The following C4orf50 variants were observed in gnomAD, a reference collection of about 807,000 sequenced individuals.
C4orf50 encodes the protein uncharacterized protein C4orf50.
Under a neutral mutation model 77.2 loss-of-function variants are expected in C4orf50, and 80 were observed. The observed-to-expected ratio is 1.04, with a 90% CI of 0.87 to 1.25. The LOEUF is 1.25. Among genes scored for constraint, C4orf50 ranks in the 50% most tolerant of loss-of-function variants. C4orf50 has a pLI of 0.00. For missense variants in C4orf50, 1,257 were observed against 1,152.9 expected (o/e 1.09, Z -1.31); for synonymous variants, 532 against 465.3 (o/e 1.14, Z -1.84).
chr4:5,934,438 G>A (rs1232872870), intron 7 of C4orf50, among the ~76,000 whole-genome samples: 1 of 152,162 alleles, frequency 6.6e-6, no homozygotes, highest in Non-Finnish European at 1.5e-5. Flanking sequence ...TGTGTGGCTT[G>A]TCATCCCTGC....
exon 28 of C4orf50, chr4:5,990,324 G>C: frequency 1.1e-6 from 1 of 925,570 alleles, no homozygotes; most frequent in Non-Finnish European, 1.4e-6. Context: ...TGTCACCAAG[G>C]TTTTTCCCCT....
intron 7 of C4orf50, among the ~76,000 whole-genome samples, chr4:5,941,194 C>A (rs1275203004): frequency 6.6e-6 from 1 of 152,158 alleles, no homozygotes; most frequent in African/African-American, 2.4e-5. Flanking sequence ...TGGGTGCTTC[C>A]TTTGTGCCAG....
chr4:5,935,244 C>T (rs1036205069), intron 7 of C4orf50, among the ~76,000 whole-genome samples: 2 of 152,262 alleles, frequency 1.3e-5, no homozygotes, highest in African/African-American at 4.8e-5. Flanking sequence ...GGATGCAGTT[C>T]GACATGGACG....
rs1560564432 is a variant in C4orf50, at chr4:5,958,851, A to T, written c.*524T>A. On this transcript the variant is annotated 3_prime_UTR_variant, in exon 34 of 34. Transcript: ENST00000531445. The surrounding 1 kb of genome is among the most constrained non-coding windows in gnomAD (Gnocchi z 5.4). The stretch of plus-strand genomic sequence containing the variant: ...CGGGGGCAGAGAAAAAACAAAACAA[A>T]ACAATTCTCCATGGCTGATCTTGTT... 6.6e-6 allele frequency: 1 copy of T among 152,456 alleles called. No homozygotes were observed. Among genetic ancestry groups the T allele is most frequent in the Non-Finnish European group, 1.5e-5 (1 of 68,298 alleles). The allele number at this position is 152,456 out of a possible 1,614,324, so 9.4% of individuals were successfully genotyped here.
At chr4:5,997,100 G>T (rs1017104990) in intron 25 of C4orf50, among the ~76,000 whole-genome samples, 4 of 152,216 alleles carry the variant, frequency 2.6e-5, no homozygotes, top group African/African-American at 9.6e-5. Flanking sequence ...AGTGAAAGCA[G>T]GAAGAGAGAG....
At chr4:5,923,226 A>C (rs1717359620) in intron 7 of C4orf50, 1 of 154,316 alleles carries the variant, frequency 6.5e-6, no homozygotes, top group African/African-American at 2.4e-5. Context: ...GGAGGTTACA[A>C]ATGTGGCCGA....
At chr4:6,013,505 A>G (rs961652344) in intron 23 of C4orf50, among the ~76,000 whole-genome samples, 3 of 152,212 alleles carry the variant, frequency 2.0e-5, no homozygotes, top group African/African-American at 7.2e-5. Context: ...TTTGGCCCCA[A>G]GTTCATCCAG....
Position 5,900,133 on chromosome 4 carries a change from G to C in C4orf50, c.*2475-1945C>G, listed in dbSNP as rs1376194121. Reference sequence around the variant, plus strand: ...GTTTCAGACCTAGAATTTCACCCTGGAACCAAAGGGGAACTGTGAATCTCT... The same window carrying C: ...GTTTCAGACCTAGAATTTCACCCTGCAACCAAAGGGGAACTGTGAATCTCT... On this transcript the variant is annotated intron_variant, in intron 7 of 7. Transcript: ENST00000324058. The surrounding 1 kb of genome is among the most constrained non-coding windows in gnomAD (Gnocchi z 4.3). 1 of 152,120 alleles carries C rather than the reference G, an allele frequency of 6.6e-6. No homozygotes were observed. The highest frequency in any genetic ancestry group is 1.5e-5 in the Non-Finnish European group (1 of 68,028). The allele number at this position is 152,120 out of a possible 1,614,324, so 9.4% of individuals were successfully genotyped here.
At position 6,002,694 on chromosome 4, in the gene C4orf50, G is replaced by A. The variant is rs371925547; in HGVS notation, c.963+5302C>T. ...CAGATCCCTGGCAGCCTGACTCAGG[G>A]TCGCTGCTGGTGCCATCCTCATGTC... On this transcript the variant is annotated intron_variant, in intron 25 of 33. Coordinates refer to ENST00000531445, the Ensembl canonical transcript of C4orf50. Among the ~76,000 whole-genome samples the A allele has an allele frequency of 2.1e-4, 32 of 152,312 alleles. No individual in the cohort carries two copies. The South Asian group carries it at 6.6e-3, about 32-fold the overall frequency.
intron 28 of C4orf50, among the ~76,000 whole-genome samples, chr4:5,981,857 T>C (rs1399350652): frequency 6.6e-6 from 1 of 151,990 alleles, no homozygotes; most frequent in African/African-American, 2.4e-5. Flanking sequence ...TCCCTTTTCC[T>C]GTAAGGCAGC....
At chr4:5,959,759 C>A in intron 33 of C4orf50, 133 bp from the exon 12 acceptor site, 2 of 1,038,052 alleles carry the variant, frequency 1.9e-6, no homozygotes, top group Non-Finnish European at 2.7e-6. Context: ...TGCCTGGCAC[C>A]AAATACTCCT....
intron 7 of C4orf50, chr4:5,903,000 T>C (rs1470558060): frequency 6.6e-6 from 1 of 152,236 alleles, no homozygotes; most frequent in Non-Finnish European, 1.5e-5. Context: ...CCAGCCACCC[T>C]TCCTCCCTGG....
chr4:5,917,561 G>A (rs916591783), intron 7 of C4orf50, among the ~76,000 whole-genome samples: 7 of 151,656 alleles, frequency 4.6e-5, no homozygotes, highest in African/African-American at 1.7e-4. Context: ...CTACAGGCAC[G>A]CACCACCACA....
chr4:5,990,012 G>A, exon 28 of C4orf50: 2 of 1,393,602 alleles, frequency 1.4e-6, no homozygotes, highest in Non-Finnish European at 1.9e-6. Flanking sequence ...ATGGCTCTTT[G>A]GTCTCATGAG....
intron 7 of C4orf50, among the ~76,000 whole-genome samples, chr4:5,931,291 G>A (rs1462334257): frequency 1.3e-5 from 2 of 152,204 alleles, no homozygotes; most frequent in African/African-American, 2.4e-5. Flanking sequence ...CCCAAACACT[G>A]ATGCACAGTG....
intron 33 of C4orf50, 90 bp from the exon 12 acceptor site, chr4:5,959,716 C>T: frequency 6.8e-7 from 1 of 1,460,550 alleles, no homozygotes; most frequent in Non-Finnish European, 9.1e-7. Context: ...GAAGAGATGA[C>T]AGTGATAGCT....
At chr4:5,956,255 G>T (rs1718951542), downstream of C4orf50, among the ~76,000 whole-genome samples, 1 of 152,168 alleles carries the variant, frequency 6.6e-6, no homozygotes, top group Non-Finnish European at 1.5e-5. Flanking sequence ...TTTTGCTCAT[G>T]ATTTCTCCTA....
intron 25 of C4orf50, among the ~76,000 whole-genome samples, chr4:6,003,631 C>A (rs111203605): frequency 8.4e-6 from 1 of 118,400 alleles, no homozygotes; most frequent in Non-Finnish European, 1.9e-5. Context: ...GTGGTGATGA[C>A]GGTGATGATG....
At chr4:5,973,762 T>A (rs753627398) in exon 31 of C4orf50, 5 of 1,613,852 alleles carry the variant, frequency 3.1e-6, no homozygotes, top group South Asian at 1.1e-5. Flanking sequence ...CCCCAGCCCA[T>A]GTCTGTGCAG....
Sources: allele counts gnomAD v4.1 joint callset (sites outside exome capture counted in the v4.1 genomes callset), GRCh38; gene constraint gnomAD v4.1.1; non-coding constraint Gnocchi (gnomAD v3.1); transcripts MANE v1.5; gene names NCBI Gene and HGNC (gene_info 2026-07-23, HGNC 2026-07-21).